PRH1: variants seen among roughly 807,000 people sequenced by gnomAD.
The protein encoded by PRH1 is proline rich protein HaeIII subfamily 1, also known as salivary acidic proline-rich phosphoprotein 1/2.
PRH1 carries 7 observed loss-of-function variants against 7.9 expected under a neutral mutation model. The observed-to-expected ratio is 0.89, with a 90% CI of 0.50 to 1.67. PRH1 has a LOEUF of 1.67. Ranked by LOEUF, PRH1 falls within the 40% of genes most tolerant of loss-of-function variation. PRH1 has a pLI of 0.00. For missense variants in PRH1, 109 were observed against 223.6 expected (o/e 0.49, Z 3.27); for synonymous variants, 45 against 80.8 (o/e 0.56, Z 2.38).
At chr12:10,984,506 T>C (rs918225820) in intron 1 of PRH1, among the ~76,000 whole-genome samples, 17 of 152,162 alleles carry the variant, frequency 1.1e-4, no homozygotes, top group Admixed American at 1.0e-3. Flanking sequence ...AATTTACTTG[T>C]TCATCAAAAT....
chr12:10,953,983 C>T (rs948846964), intron 2 of PRH1, among the ~76,000 whole-genome samples: 4 of 151,980 alleles, frequency 2.6e-5, no homozygotes, highest in Non-Finnish European at 4.4e-5. Context: ...AAAGAATGTC[C>T]GACCAAGAAT....
chr12:11,069,691 A>G (rs1943979611), intron 1 of PRH1, among the ~76,000 whole-genome samples: 1 of 152,218 alleles, frequency 6.6e-6, no homozygotes, highest in South Asian at 2.1e-4. Flanking sequence ...ATAAGCCAAT[A>G]GTTGAAGAGG....
intron 2 of PRH1, among the ~76,000 whole-genome samples, chr12:10,924,445 T>A (rs1950097432): frequency 6.6e-6 from 1 of 152,218 alleles, no homozygotes; most frequent in Non-Finnish European, 1.5e-5. Context: ...GTAGTTGCCA[T>A]CAGATAAGGG....
intron 2 of PRH1, among the ~76,000 whole-genome samples, chr12:10,942,263 G>A (rs1950413513): frequency 6.6e-6 from 1 of 152,116 alleles, no homozygotes. Context: ...CACCGGCAGT[G>A]GGTAAGTCAC....
chr12:10,882,821 C>T (rs1489738027), intron 2 of PRH1, 123 bp from the exon 3 acceptor site: 9 of 1,492,724 alleles, frequency 6.0e-6, no homozygotes, highest in African/African-American at 1.4e-5. Flanking sequence ...CTCCCAACCT[C>T]CCCCCTTCCC....
chr12:10,918,275 A>G (rs1950000080), intron 2 of PRH1, among the ~76,000 whole-genome samples: 2 of 152,144 alleles, frequency 1.3e-5, no homozygotes, highest in Admixed American at 1.3e-4. Context: ...GCTGGGCTTA[A>G]TATCTAGGTG....
downstream of PRH1, among the ~76,000 whole-genome samples, chr12:11,118,834 A>G (rs1284512164): frequency 6.6e-6 from 1 of 152,034 alleles, no homozygotes; most frequent in South Asian, 2.1e-4. Flanking sequence ...CGCTACTAAA[A>G]ATACAAAAAA....
intron 1 of PRH1, among the ~76,000 whole-genome samples, chr12:11,161,625 A>C (rs1947417426): frequency 6.6e-6 from 1 of 152,202 alleles, no homozygotes; most frequent in South Asian, 2.1e-4. Context: ...GTTTGCAAAT[A>C]AGAATTAAGA....
rs576593457 is a variant in PRH1 at position 11,093,312 on chromosome 12, G to A, written n.124-46124C>T. On this transcript the variant is annotated intron_variant and non_coding_transcript_variant, in intron 1 of 4. Transcript: ENST00000541977. ...CAGATTTTCTTGAGAACCACAGGCA[G>A]GCCAATCCTCCATAAGATCTGGTTG... 1.5e-3 allele frequency among the ~76,000 whole-genome samples: 177 copies of A among 115,858 alleles called. 52 individuals carry two copies. The highest frequency in any genetic ancestry group is 3.1e-3 in the Non-Finnish European group (150 of 49,018). The allele number at this position is 115,858 out of a possible 152,430, so 76.0% of individuals were successfully genotyped here.
chr12:10,978,900 AAAACAAACAAAC>A (rs138083935), intron 1 of PRH1, among the ~76,000 whole-genome samples: 1,884 of 151,224 alleles, frequency 0.012, 53 homozygotes, highest in African/African-American at 0.044. Flanking sequence ...TGCCTATTAC[AAAACAAACAAAC>A]AAACAAACAA....
At chr12:11,133,185 A>G (rs1206256193) in intron 1 of PRH1, 1 of 1,449,224 alleles carries the variant, frequency 6.9e-7, no homozygotes, top group African/African-American at 1.4e-5. Flanking sequence ...TAGGTAAAAG[A>G]CTTTTCTAGG....
chr12:11,105,294 G>A (rs1945377480), intron 1 of PRH1, among the ~76,000 whole-genome samples: 1 of 151,352 alleles, frequency 6.6e-6, no homozygotes, highest in South Asian at 2.1e-4. Flanking sequence ...ATGATTGGTA[G>A]TAAATTTATC....
chr12:11,079,264 C>A lies in PRH1; in HGVS notation n.124-32076G>T. The A allele has an allele frequency of 1.7e-5, 2 of 115,824 alleles. 1 individual carries two copies. Among genetic ancestry groups the A allele is most frequent in the Non-Finnish European group, 4.1e-5 (2 of 48,940 alleles). The allele number at this position is 115,824 out of a possible 1,614,324, so 7.2% of individuals were successfully genotyped here. On this transcript the variant is annotated intron_variant and non_coding_transcript_variant, in intron 1 of 4. Transcript: ENST00000541977. ...ACTCTGAATTCACTCATGTAATTTG[C>A]TTCAGTGAACAGCAAACTAGTAGAC... is the stretch of plus-strand genomic sequence containing the variant.
At chr12:11,151,312 T>C (rs1431971700) in intron 1 of PRH1, among the ~76,000 whole-genome samples, 1 of 151,800 alleles carries the variant, frequency 6.6e-6, no homozygotes, top group African/African-American at 2.4e-5. Context: ...ATGCCATAAG[T>C]GCTGTTGCTG....
At chr12:10,946,861 A>G (rs1299876432) in intron 2 of PRH1, among the ~76,000 whole-genome samples, 3 of 152,154 alleles carry the variant, frequency 2.0e-5, no homozygotes, top group African/African-American at 7.2e-5. Flanking sequence ...ATTTTTATAG[A>G]ACTTCTTGAT....
Position 11,093,845 on chromosome 12 carries a change from T to C in PRH1, n.124-46657A>G, listed in dbSNP as rs1945005587. Among the ~76,000 whole-genome samples the C allele has an allele frequency of 3.5e-5, 4 of 114,636 alleles. 2 individuals carry two copies. Among genetic ancestry groups the C allele is most frequent in the African/African-American group, 1.2e-4 (4 of 34,086 alleles). The allele number at this position is 114,636 out of a possible 152,430, so 75.2% of individuals were successfully genotyped here. ...TTTGAGATGGCTTCCATACTGGGGA[T>C]TCTTCCTCTTTCCATTTACCATGAG... On this transcript the variant is annotated intron_variant and non_coding_transcript_variant, in intron 1 of 4. Transcript: ENST00000541977.
intron 1 of PRH1, among the ~76,000 whole-genome samples, chr12:10,973,973 A>G (rs1938962769): frequency 6.6e-6 from 1 of 152,220 alleles, no homozygotes; most frequent in African/African-American, 2.4e-5. Flanking sequence ...TAAAAAGAAC[A>G]AAGTGGGGGG....
At chr12:10,990,874 T>G (rs1939899863) in intron 1 of PRH1, among the ~76,000 whole-genome samples, 1 of 152,204 alleles carries the variant, frequency 6.6e-6, no homozygotes, top group Non-Finnish European at 1.5e-5. Context: ...AGAGAAAATG[T>G]TAACTCCGTG....
intron 2 of PRH1, among the ~76,000 whole-genome samples, chr12:10,922,660 T>A (rs1302102726): frequency 2.6e-5 from 4 of 152,072 alleles, no homozygotes; most frequent in African/African-American, 9.7e-5. Context: ...TTCCATATCA[T>A]TCTTTCTTCT....
Sources: allele counts gnomAD v4.1 joint callset (sites outside exome capture counted in the v4.1 genomes callset), GRCh38; gene constraint gnomAD v4.1.1; transcripts MANE v1.5; gene names NCBI Gene and HGNC (gene_info 2026-07-23, HGNC 2026-07-21).